Variants in XYLT2 observed in about 807,000 individuals in gnomAD.
XYLT2 encodes UDP-D-xylose:proteoglycan core protein beta-D-xylosyltransferase.
In XYLT2, 37 loss-of-function variants were observed where a neutral mutation model predicts 82.6. The ratio of observed to expected loss-of-function variants is 0.45; its 90% confidence interval spans 0.34 to 0.59. XYLT2 has a LOEUF of 0.59. XYLT2 is among the 20% of genes least tolerant of loss of function. The pLI, the probability that XYLT2 is intolerant of heterozygous loss-of-function variation, is 0.01. For missense variants in XYLT2, 934 were observed against 1,181.3 expected (o/e 0.79, Z 3.07); for synonymous variants, 474 against 499.0 (o/e 0.95, Z 0.67).
At chr17:50,354,380 C>T in intron 2 of XYLT2, 28 bp from the exon 3 acceptor site, 1 of 1,577,958 alleles carries the variant, frequency 6.3e-7, no homozygotes, top group Non-Finnish European at 8.6e-7. Context: ...TAGGGTGGGC[C>T]TCGCCAACGC....
chr17:50,356,790 A>G lies in XYLT2; in HGVS notation c.1745+17A>G, dbSNP rs762770142. The G allele has an allele frequency of 8.2e-6, 13 of 1,594,174 alleles. No individual in the cohort carries two copies. The South Asian group carries it at 1.4e-4, about 18-fold the overall frequency. On this transcript the variant is annotated intron_variant, in intron 8 of 10. Transcript: ENST00000017003. ...ACTCTGCAGGTGAGACCCCCTTCTG[A>G]CATACAGCAGGCCCTTGGGGTGTGG...
chr17:50,350,744 C>A (rs75127905), intron 1 of XYLT2, among the ~76,000 whole-genome samples: 1 of 151,848 alleles, frequency 6.6e-6, no homozygotes, highest in Non-Finnish European at 1.5e-5. Context: ...AAATATTGTG[C>A]GATGGTGAAA....
rs1000282121 is a variant in XYLT2 at position 50,346,513 on chromosome 17, G to A, written c.135+238G>A. 4 of 872,382 alleles carry A rather than the reference G, an allele frequency of 4.6e-6. No individual in the cohort carries two copies. The highest frequency in any genetic ancestry group is 5.5e-6 in the Non-Finnish European group (4 of 726,850). The allele number at this position is 872,382 out of a possible 1,614,324, so 54.0% of individuals were successfully genotyped here. A position where few individuals can be genotyped will look rare whatever the true frequency, so the allele number is the denominator to read the frequency against. ...AGACCCGGGCCCTGGTGGATTGGGA[G>A]TCGGGCGGGGGGAGCAGGTCATGCT... is the stretch of plus-strand genomic sequence containing the variant. On this transcript the variant is annotated intron_variant, in intron 1 of 10. Transcript: ENST00000017003. This position sits in a 1 kb window ranked among gnomAD's most constrained non-coding sequence, Gnocchi z 5.1.
intron 9 of XYLT2, 172 bp downstream of exon 9, chr17:50,357,424 G>A (rs1912593704): frequency 1.1e-5 from 7 of 620,154 alleles, no homozygotes. Flanking sequence ...GCACACTGAG[G>A]AGCACCTCCT....
At chr17:50,347,108 G>T (rs540806475) in intron 1 of XYLT2, among the ~76,000 whole-genome samples, 1 of 152,308 alleles carries the variant, frequency 6.6e-6, no homozygotes, top group African/African-American at 2.4e-5. Flanking sequence ...TCAGCGGGAG[G>T]CTCAGACACC....
At position 50,353,790 on chromosome 17, in the gene XYLT2, T is replaced by C; in HGVS notation, c.296T>C (p.Val99Ala). 6.4e-7 allele frequency: 1 copy of C among 1,564,758 alleles called. No homozygotes were observed. Residue 99 changes from valine (V) to alanine (A), a missense_variant, in exon 2 of 11, where the codon GTA becomes GCA. By Grantham distance (64) the Val-to-Ala change is moderately conservative. Around this residue, in one of 3 missense-constraint regions of XYLT2, gnomAD observed 371 missense variants for 394.9 expected, o/e 0.94. Coordinates refer to ENST00000017003, the MANE Select transcript of XYLT2 (RefSeq NM_022167.4). Reference sequence around the variant, plus strand: ...CCCGTGGCCAAGGTGGTACGGGCAGTAACCAGCCGGCAGAGAGCCAGCCGG... The same window carrying C: ...CCCGTGGCCAAGGTGGTACGGGCAGCAACCAGCCGGCAGAGAGCCAGCCGG... ...GVPVAKVVRA[V>A]TSRQRASRRV...
chr17:50,357,405 C>T (rs1912593000), intron 9 of XYLT2, 153 bp downstream of exon 9: 6 of 715,030 alleles, frequency 8.4e-6, no homozygotes, highest in Non-Finnish European at 1.3e-5. Context: ...GTGTCACCCC[C>T]CAGCCTGTGC....
At chr17:50,348,989 G>C (rs1912147935) in intron 1 of XYLT2, among the ~76,000 whole-genome samples, 1 of 152,202 alleles carries the variant, frequency 6.6e-6, no homozygotes, top group African/African-American at 2.4e-5. Flanking sequence ...CTGCCCACCA[G>C]GGCCTCTGCT....
intron 1 of XYLT2, among the ~76,000 whole-genome samples, chr17:50,349,790 C>T (rs1912180656): frequency 6.6e-6 from 1 of 152,072 alleles, no homozygotes; most frequent in South Asian, 2.1e-4. Flanking sequence ...CACAGAGAAC[C>T]CAACCCAGCC....
At chr17:50,347,143 C>T (rs1167120808) in intron 1 of XYLT2, among the ~76,000 whole-genome samples, 1 of 152,180 alleles carries the variant, frequency 6.6e-6, no homozygotes, top group Non-Finnish European at 1.5e-5. Flanking sequence ...AGGAAGGGTC[C>T]ATTGGGTCTG....
Position 50,356,661 on chromosome 17 carries a change from G to A in XYLT2, c.1633G>A (p.Asp545Asn). 6.2e-7 allele frequency: 1 copy of A among 1,613,908 alleles called. No individual in the cohort carries two copies. The highest frequency in any genetic ancestry group is 8.5e-7 in the Non-Finnish European group (1 of 1,180,018). ...AYWENTYDAA[D>N]GPSGLSDVML... Reference sequence around the variant, plus strand: ...CTGGGAGAACACCTACGACGCGGCTGATGGCCCCAGTGGGCTCAGTGATGT... The same window carrying A: ...CTGGGAGAACACCTACGACGCGGCTAATGGCCCCAGTGGGCTCAGTGATGT... Residue 545 changes from aspartate to asparagine, a missense_variant, in exon 8 of 11, where the codon GAT becomes AAT. Physicochemically the swap from Asp to Asn is conservative, Grantham distance 23 (BLOSUM62 1). Coordinates refer to ENST00000017003, the MANE Select transcript of XYLT2 (RefSeq NM_022167.4).
intron 4 of XYLT2, among the ~76,000 whole-genome samples, 191 bp downstream of exon 4, chr17:50,355,247 G>T (rs982406140): frequency 3.9e-5 from 6 of 152,178 alleles, no homozygotes; most frequent in Non-Finnish European, 7.4e-5. Context: ...TAAGAATTGA[G>T]CATGATAGGA....
Position 50,346,589 on chromosome 17 carries a change from G to A in XYLT2, c.135+314G>A. The A allele has an allele frequency of 4.1e-6, 4 of 983,622 alleles. No individual in the cohort carries two copies. Among genetic ancestry groups the A allele is most frequent in the Non-Finnish European group, 4.8e-6 (4 of 828,286 alleles). The allele number at this position is 983,622 out of a possible 1,614,324, so 60.9% of individuals were successfully genotyped here. A position where few individuals can be genotyped will look rare whatever the true frequency, so the allele number is the denominator to read the frequency against. ...ATGAAGGTCAGGCGCGGCGAGCGGG[G>A]CTGGGAGGCGGGGCTGGGCCCGAAC... On this transcript the variant is annotated intron_variant, in intron 1 of 10. Coordinates refer to ENST00000017003, the MANE Select transcript of XYLT2 (RefSeq NM_022167.4). The surrounding 1 kb of genome is among the most constrained non-coding windows in gnomAD (Gnocchi z 5.1).
chr17:50,355,757 C>G (rs1271709780), intron 5 of XYLT2, 24 bp from the exon 6 acceptor site: 3 of 1,613,170 alleles, frequency 1.9e-6, no homozygotes, highest in Non-Finnish European at 2.5e-6. Context: ...GGATCCCCAG[C>G]CATGGCCTCT....
In XYLT2 at chr17:50,360,520, C is replaced by T; in HGVS notation, c.*229C>T. ...ACGCGAGAAGGGCACCAGCAGCATT[C>T]CACACCCAGCTCTTCCTCACCTTCC... On this transcript the variant is annotated 3_prime_UTR_variant, in exon 11 of 11. Coordinates refer to ENST00000017003, the MANE Select transcript of XYLT2 (RefSeq NM_022167.4). The T allele has an allele frequency of 7.9e-7, 1 of 1,261,744 alleles. No homozygotes were observed. Among genetic ancestry groups the T allele is most frequent in the Non-Finnish European group, 9.9e-7 (1 of 1,005,842 alleles). The allele number at this position is 1,261,744 out of a possible 1,614,324, so 78.2% of individuals were successfully genotyped here. A position where few individuals can be genotyped will look rare whatever the true frequency, so the allele number is the denominator to read the frequency against.
chr17:50,355,204 A>T (rs1912466104), intron 4 of XYLT2, 148 bp downstream of exon 4: 12 of 882,946 alleles, frequency 1.4e-5, no homozygotes, highest in African/African-American at 3.4e-5. Flanking sequence ...GGCCCCAGCT[A>T]TGTTTTAGGG....
chr17:50,357,234 C>T lies in XYLT2; in HGVS notation c.1923C>T (p.Ser641=), dbSNP rs778642140. 389 of 1,599,860 alleles carry T rather than the reference C, an allele frequency of 2.4e-4. 3 individuals carry two copies. The highest frequency in any genetic ancestry group is 1.0e-3 in the South Asian group (93 of 89,930). The change falls in exon 9 of 11, where the codon AGC becomes AGT. Residue 641 remains serine (S), a synonymous_variant. Coordinates refer to ENST00000017003, the MANE Select transcript of XYLT2 (RefSeq NM_022167.4). ...TGTTGGGGCGCAGTGACCAGGCCAG[C>T]CGGCTCCAGAGTCTGGAGGTGGGAC... ...LKLLGRSDQA[S]RLQSLEVGTD...
At chr17:50,351,058 T>G (rs1255314285) in intron 1 of XYLT2, among the ~76,000 whole-genome samples, 2 of 152,100 alleles carry the variant, frequency 1.3e-5, no homozygotes, top group African/African-American at 4.8e-5. Flanking sequence ...GGAGCCTCTG[T>G]AGGCTCCTGT....
chr17:50,357,186 G>A lies in XYLT2; in HGVS notation c.1875G>A (p.Leu625=). Reference sequence around the variant, plus strand: ...CGGCAGAGACGCTTGAGATGTGGCTGATGCCCCAAGGGTCGCTGAAGCTGT... The same window carrying A: ...CGGCAGAGACGCTTGAGATGTGGCTAATGCCCCAAGGGTCGCTGAAGCTGT... ...QGPAETLEMW[L]MPQGSLKLLG... The change falls in exon 9 of 11, where the codon CTG becomes CTA. Residue 625 remains leucine (L), a synonymous_variant. Transcript: ENST00000017003. The A allele has an allele frequency of 6.2e-7, 1 of 1,612,110 alleles. No individual in the cohort carries two copies. Among genetic ancestry groups the A allele is most frequent in the Non-Finnish European group, 8.5e-7 (1 of 1,179,850 alleles).
Sources: allele counts gnomAD v4.1 joint callset (sites outside exome capture counted in the v4.1 genomes callset), GRCh38; gene constraint gnomAD v4.1.1; regional missense constraint gnomAD v4.1.1; non-coding constraint Gnocchi (gnomAD v3.1); transcripts MANE v1.5; gene names NCBI Gene and HGNC (gene_info 2026-07-23, HGNC 2026-07-21).